The following KCNG3 variants were observed in gnomAD, a reference collection of about 807,000 sequenced individuals.
KCNG3 encodes potassium voltage-gated channel modifier subfamily G member 3, also known as voltage-gated potassium channel regulatory subunit KCNG3.
A neutral mutation model predicts 29.0 loss-of-function variants in KCNG3; 15 were observed. The observed-to-expected ratio is 0.52, with a 90% CI of 0.35 to 0.80. The LOEUF (loss-of-function observed/expected upper bound fraction) is 0.80. Ranked by LOEUF, KCNG3 falls within the 30% of genes least tolerant of loss-of-function variation. The pLI is 0.01. For missense variants in KCNG3, 512 were observed against 605.7 expected (o/e 0.85, Z 1.62); for synonymous variants, 322 against 248.9 (o/e 1.29, Z -2.76).
At chr2:42,462,880 A>T (rs1446634687) in intron 1 of KCNG3, among the ~76,000 whole-genome samples, 2 of 152,138 alleles carry the variant, frequency 1.3e-5, no homozygotes, top group Non-Finnish European at 2.9e-5. Flanking sequence ...AGCCACTGCA[A>T]GATTTTTTTA....
chr2:42,443,183 T>G lies in KCNG3; in HGVS notation c.*751A>C, dbSNP rs1467901070. The G allele has an allele frequency of 1.3e-5, 2 of 152,158 alleles. No homozygotes were observed. Among genetic ancestry groups the G allele is most frequent in the East Asian group, 3.8e-4 (2 of 5,206 alleles). 9.4% of individuals were successfully genotyped at this position (152,158 alleles called of 1,614,324 possible). ...GACAGTTATCACCTAGGAACAGCAA[T>G]GAATTCAAATATTATCCAGTAAGAT... On this transcript the variant is annotated 3_prime_UTR_variant, in exon 2 of 2. Transcript: ENST00000306078.
chr2:42,401,041 ATG>A, the KCNG3 span, among the ~76,000 whole-genome samples: 2 of 115,370 alleles, frequency 1.7e-5, no homozygotes, highest in South Asian at 3.8e-4. Context: ...TTAAAAACAC[ATG>A]TGTGTATATA....
chr2:42,477,421 ACATATATT>A, intron 1 of KCNG3, among the ~76,000 whole-genome samples: 1 of 42,286 alleles, frequency 2.4e-5, no homozygotes, highest in Non-Finnish European at 5.7e-5. Flanking sequence ...ACACACACAC[ACATATATT>A]TTTTTTTTTT....
chr2:42,471,102 T>C (rs1673274337), intron 1 of KCNG3, among the ~76,000 whole-genome samples: 1 of 151,710 alleles, frequency 6.6e-6, no homozygotes, highest in African/African-American at 2.4e-5. Context: ...CAGTGAGCTA[T>C]GATCGTGCCA....
the KCNG3 span, among the ~76,000 whole-genome samples, chr2:42,416,276 A>C: frequency 6.6e-6 from 1 of 152,198 alleles, no homozygotes; most frequent in Non-Finnish European, 1.5e-5. Context: ...GTTCTACTGC[A>C]TAGCAAGATG....
At chr2:42,408,002 C>G in the KCNG3 span, among the ~76,000 whole-genome samples, 4 of 152,250 alleles carry the variant, frequency 2.6e-5, no homozygotes, top group African/African-American at 7.2e-5. Context: ...TTGGTGCCCA[C>G]GCCGATCTCA....
chr2:42,412,632 T>C, the KCNG3 span, among the ~76,000 whole-genome samples: 1 of 152,340 alleles, frequency 6.6e-6, no homozygotes, highest in African/African-American at 2.4e-5. Context: ...TTCTGTGAGA[T>C]AAAATAACCT....
the KCNG3 span, among the ~76,000 whole-genome samples, chr2:42,403,351 C>T: frequency 6.6e-6 from 1 of 152,134 alleles, no homozygotes; most frequent in African/African-American, 2.4e-5. Flanking sequence ...CCATGTTGTC[C>T]ATGCTGGTCT....
At chr2:42,445,242 C>T (rs1386009560) in intron 1 of KCNG3, among the ~76,000 whole-genome samples, 1 of 152,092 alleles carries the variant, frequency 6.6e-6, no homozygotes, top group East Asian at 1.9e-4. Flanking sequence ...ATTTAACTTA[C>T]TCTTGCAGGA....
At chr2:42,414,796 T>C in the KCNG3 span, among the ~76,000 whole-genome samples, 7 of 152,332 alleles carry the variant, frequency 4.6e-5, no homozygotes, top group African/African-American at 1.7e-4. Context: ...TTCAGTTCCA[T>C]CTTCCAATTT....
chr2:42,473,435 C>T (rs545061884), intron 1 of KCNG3, among the ~76,000 whole-genome samples: 15 of 151,880 alleles, frequency 9.9e-5, no homozygotes, highest in East Asian at 3.9e-4. Flanking sequence ...CTGCAACCTC[C>T]GCCTCCCAGG....
chr2:42,391,837 C>T, the KCNG3 span, among the ~76,000 whole-genome samples: 62 of 151,718 alleles, frequency 4.1e-4, no homozygotes, highest in African/African-American at 1.4e-3. Context: ...CTCCTGACCT[C>T]GTGATCCGCC....
chr2:42,469,060 T>C (rs914072607), intron 1 of KCNG3, among the ~76,000 whole-genome samples: 19 of 151,528 alleles, frequency 1.3e-4, no homozygotes, highest in Non-Finnish European at 8.8e-5. Flanking sequence ...AGGGTTTTCA[T>C]GGTAATTAAT....
Position 42,475,323 on chromosome 2 carries a change from CTT to C in KCNG3, c.665+17512_665+17513del, listed in dbSNP as rs11365655. On this transcript the variant is annotated intron_variant, in intron 1 of 1. Transcript: ENST00000306078. ...TGAGTGACAGAACAAGCCTCTGTCT[CTT>C]TTTTTTTTTTTTTTTTTTGAGATAG... Among the ~76,000 whole-genome samples, 900 of 104,698 alleles carry C rather than the reference CTT, an allele frequency of 8.6e-3. 8 individuals carry two copies. Among genetic ancestry groups the C allele is most frequent in the African/African-American group, 0.026 (767 of 29,258 alleles). 68.7% of individuals were successfully genotyped at this position (104,698 alleles called of 152,430 possible). A position where few individuals can be genotyped will look rare whatever the true frequency, so the allele number is the denominator to read the frequency against.
chr2:42,479,328 C>G (rs1673521384), intron 1 of KCNG3, among the ~76,000 whole-genome samples: 1 of 152,226 alleles, frequency 6.6e-6, no homozygotes, highest in Admixed American at 6.5e-5. Flanking sequence ...CAAGGTGGAG[C>G]TCAAGCATGA....
the KCNG3 span, among the ~76,000 whole-genome samples, chr2:42,434,845 G>C: frequency 6.6e-6 from 1 of 152,038 alleles, no homozygotes; most frequent in African/African-American, 2.4e-5. Flanking sequence ...TTTGTCAAAA[G>C]TGCCAATACC....
the KCNG3 span, among the ~76,000 whole-genome samples, chr2:42,430,857 C>T: frequency 1.3e-5 from 2 of 152,070 alleles, no homozygotes; most frequent in African/African-American, 4.8e-5. Context: ...CACATGTAAT[C>T]CCAGAACTTT....
chr2:42,452,243 A>ATATATATATATATTTTTTT, intron 1 of KCNG3, among the ~76,000 whole-genome samples: 9 of 95,052 alleles, frequency 9.5e-5, no homozygotes, highest in East Asian at 4.6e-4. Context: ...ATATATATAT[A>ATATATATATATATTTTTTT]TTTTTTTTTT....
the KCNG3 span, among the ~76,000 whole-genome samples, chr2:42,427,816 C>A: frequency 6.6e-6 from 1 of 152,084 alleles, no homozygotes; most frequent in Non-Finnish European, 1.5e-5. Context: ...TCTTTACTTT[C>A]AAGTTAAAAA....
Sources: gnomAD v4.1 joint callset for allele counts (sites outside exome capture counted in the v4.1 genomes callset) on GRCh38, gnomAD v4.1.1 for gene constraint, MANE v1.5 for transcripts, NCBI Gene and HGNC (gene_info 2026-07-23, HGNC 2026-07-21) for gene names.